Variants in RAD52 observed in about 807,000 individuals in gnomAD.
The protein encoded by RAD52 is DNA repair protein RAD52 homolog.
A neutral mutation model predicts 55.5 loss-of-function variants in RAD52; 47 were observed. The observed-to-expected ratio is 0.85, with a 90% confidence interval of 0.67 to 1.08. The LOEUF (loss-of-function observed/expected upper bound fraction) is 1.08. Ranked by LOEUF, RAD52 falls within the 50% of genes least tolerant of loss-of-function variation. The pLI is 0.00. For synonymous variants in RAD52, 184 were observed against 198.9 expected, an observed-to-expected ratio of 0.92 and a Z score of 0.63; for missense variants, 468 against 522.8, an observed-to-expected ratio of 0.90 and a Z score of 1.02.
chr12:927,734 T>C lies in RAD52; in HGVS notation c.349-471A>G, dbSNP rs529150830. ...TACAAAAATTAGCCGGGTGTGGTGG[T>C]GGGCACCTGTAATCCCAGCTACTCA... is the stretch of plus-strand genomic sequence containing the variant. On this transcript the variant is annotated intron_variant, in intron 5 of 11. Transcript: ENST00000358495. Among the ~76,000 whole-genome samples, 3 of 151,964 alleles carry C rather than the reference T, an allele frequency of 2.0e-5. No individual in the cohort carries two copies. In the East Asian group the frequency reaches 5.8e-4, roughly 29 times the overall value.
chr12:916,463 A>G lies in RAD52; in HGVS notation c.746T>C (p.Val249Ala). 1 of 1,607,482 alleles carries G rather than the reference A, an allele frequency of 6.2e-7. No individual in the cohort carries two copies. The highest frequency in any genetic ancestry group is 8.5e-7 in the Non-Finnish European group (1 of 1,179,492). The change falls in exon 9 of 12, where the codon GTG becomes GCG. Residue 249 changes from valine (V) to alanine (A), a missense_variant. Coordinates refer to ENST00000358495, the MANE Select transcript of RAD52 (RefSeq NM_134424.4). Reference protein sequence around the residue: ...CSSRSLSSSAVESEATHQRKL... With the variant: ...CSSRSLSSSAAESEATHQRKL... ...CCGCTGGTGCGTGGCCTCGCTCTCCACGGCGGATGAGCTCAGGCTTCTGCA... is the reference window on the plus strand; with the variant it reads ...CCGCTGGTGCGTGGCCTCGCTCTCCGCGGCGGATGAGCTCAGGCTTCTGCA...
intron 1 of RAD52, among the ~76,000 whole-genome samples, chr12:981,834 CT>C (rs1475479188): frequency 8.1e-6 from 1 of 124,214 alleles, no homozygotes; most frequent in African/African-American, 2.6e-5. Context: ...TTCTGTTGAA[CT>C]TTAAGGCTGA....
upstream of RAD52, among the ~76,000 whole-genome samples, chr12:953,292 A>G (rs1592464641): frequency 6.6e-6 from 1 of 151,952 alleles, no homozygotes; most frequent in East Asian, 1.9e-4. Context: ...CGACAGAGTG[A>G]GACTCAGTCT....
At chr12:950,972 G>T (rs554199658), upstream of RAD52, among the ~76,000 whole-genome samples, 1 of 152,010 alleles carries the variant, frequency 6.6e-6, no homozygotes, top group South Asian at 2.1e-4. Context: ...GGCTGGTCTC[G>T]AACTCCCAAC....
upstream of RAD52, among the ~76,000 whole-genome samples, chr12:953,313 A>G (rs10849602): frequency 0.49 from 73,853 of 151,410 alleles, 18,196 homozygotes; most frequent in Non-Finnish European, 0.53. Flanking sequence ...CAAAAAAAAT[A>G]AAAATAAAAA....
chr12:950,256 TG>T (rs1958490300), upstream of RAD52, among the ~76,000 whole-genome samples: 1 of 152,094 alleles, frequency 6.6e-6, no homozygotes, highest in Non-Finnish European at 1.5e-5. Context: ...AAGTGCGGCT[TG>T]GGGGGCGAAG....
At chr12:964,965 G>GCCTT (rs71055112) in intron 1 of RAD52, among the ~76,000 whole-genome samples, 83,696 of 151,024 alleles carry the variant, frequency 0.55, 23,439 homozygotes, top group African/African-American at 0.6. Context: ...CCGCCTGCCT[G>GCCTT]CCTTCCTTCC....
intron 1 of RAD52, among the ~76,000 whole-genome samples, chr12:989,036 C>T (rs916908648): frequency 6.6e-5 from 10 of 152,178 alleles, no homozygotes; most frequent in Admixed American, 4.6e-4. Flanking sequence ...TACTCTTAGG[C>T]CCTTCAATAC....
intron 7 of RAD52, among the ~76,000 whole-genome samples, chr12:918,343 T>C (rs1453308674): frequency 6.6e-6 from 1 of 152,206 alleles, no homozygotes; most frequent in Non-Finnish European, 1.5e-5. Flanking sequence ...GAGTTCAAAC[T>C]GTAGGATTCC....
chr12:978,977 A>T (rs1299677017), intron 1 of RAD52, among the ~76,000 whole-genome samples: 3 of 151,294 alleles, frequency 2.0e-5, no homozygotes, highest in Admixed American at 6.6e-5. Context: ...GTAAAACTTT[A>T]AAAAAAAAGG....
Position 931,305 on chromosome 12 carries a change from T to C in RAD52, c.101A>G (p.Glu34Gly), listed in dbSNP as rs144831379. The change falls in exon 3 of 12, where the codon GAA becomes GGA. Residue 34 changes from glutamate (E) to glycine (G), a missense_variant. By Grantham distance (98) the Glu-to-Gly change is moderately conservative. Transcript: ENST00000358495. ...LCFGQCQYTA[E>G]EYQAIQKALR... ...GGCCTTCTGGATGGCCTGGTACTCT[T>C]CTGCTGTGTACTGGCACTGCAACCC... 246 of 1,607,650 alleles carry C rather than the reference T, an allele frequency of 1.5e-4. 1 individual carries two copies. In the African/African-American group the frequency reaches 2.8e-3, roughly 18 times the overall value.
chr12:957,771 T>G (rs920295610), intron 1 of RAD52, among the ~76,000 whole-genome samples: 1 of 152,166 alleles, frequency 6.6e-6, no homozygotes, highest in Non-Finnish European at 1.5e-5. Flanking sequence ...GCCTGGGCAA[T>G]AGAGTGAGGC....
intron 1 of RAD52, among the ~76,000 whole-genome samples, chr12:981,478 G>T (rs751884669): frequency 2.0e-5 from 3 of 152,172 alleles, no homozygotes; most frequent in Admixed American, 6.6e-5. Flanking sequence ...AACCAGGCCA[G>T]TTATGTACTT....
intron 1 of RAD52, among the ~76,000 whole-genome samples, chr12:985,062 G>GC (rs1254336768): frequency 6.6e-6 from 1 of 152,106 alleles, no homozygotes; most frequent in Non-Finnish European, 1.5e-5. Context: ...GCCTGCCTCG[G>GC]CCCCCCAAAG....
chr12:985,263 C>T (rs2154122124), intron 1 of RAD52, among the ~76,000 whole-genome samples: 1 of 152,304 alleles, frequency 6.6e-6, no homozygotes, highest in African/African-American at 2.4e-5. Flanking sequence ...GTCTCAGCCT[C>T]ACAAGTAGCT....
At chr12:971,699 G>A (rs1056111161) in intron 1 of RAD52, among the ~76,000 whole-genome samples, 2 of 152,030 alleles carry the variant, frequency 1.3e-5, no homozygotes, top group Non-Finnish European at 2.9e-5. Context: ...TAACAAGAAC[G>A]TATAACTCGT....
Position 929,811 on chromosome 12 carries a change from C to CCCCTCACCTTCAGCTGGA in RAD52, c.338_348+7dup. ...CTTCCGGGCAGCAGGTCTACTCCAT[C>CCCCTCACCTTCAGCTGGA]CCCTCACCTTCAGCTGGACCCTCAC... On this transcript the variant is annotated splice_region_variant and intron_variant, in intron 5 of 11. Coordinates refer to ENST00000358495, the MANE Select transcript of RAD52 (RefSeq NM_134424.4). The CCCCTCACCTTCAGCTGGA allele has an allele frequency of 6.2e-7, 1 of 1,610,116 alleles. No individual in the cohort carries two copies. Among genetic ancestry groups the CCCCTCACCTTCAGCTGGA allele is most frequent in the Non-Finnish European group, 8.5e-7 (1 of 1,177,434 alleles).
intron 1 of RAD52, among the ~76,000 whole-genome samples, chr12:984,518 C>G (rs1028166751): frequency 1.3e-5 from 2 of 151,218 alleles, no homozygotes; most frequent in Non-Finnish European, 3.0e-5. Flanking sequence ...ATAAATTTGA[C>G]TACTTTAGGT....
In RAD52 at chr12:913,925, G is replaced by A. The variant is rs1043706695; in HGVS notation, c.1164C>T (p.Leu388=). ...TGCGTTGGTCAGCGCTATAAGTTTG[G>A]AGGTCCCAAGATCCAGATTTTGCTT... ...KPQAKSGSWD[L]QTYSADQRTT... Residue 388 remains leucine (L), a synonymous_variant, in exon 11 of 12, where the codon CTC becomes CTT. Transcript: ENST00000358495. The A allele has an allele frequency of 3.9e-5, 63 of 1,614,056 alleles. No individual in the cohort carries two copies. The highest frequency in any genetic ancestry group is 8.3e-5 in the Admixed American group (5 of 59,996).
Sources: gnomAD v4.1 joint callset for allele counts (sites outside exome capture counted in the v4.1 genomes callset) on GRCh38, gnomAD v4.1.1 for gene constraint, MANE v1.5 for transcripts, NCBI Gene and HGNC (gene_info 2026-07-23, HGNC 2026-07-21) for gene names.